Variants in IFT88 observed in about 807,000 individuals in gnomAD.
The protein encoded by IFT88 is intraflagellar transport protein 88 homolog.
Under a neutral mutation model 119.5 loss-of-function variants are expected in IFT88, and 74 were observed. That is an observed-to-expected ratio of 0.62 (90% CI 0.51 to 0.75). The LOEUF (loss-of-function observed/expected upper bound fraction) is 0.75, where lower values mean the gene tolerates loss of function less well. Among genes scored for constraint, IFT88 ranks in the 30% least tolerant of loss-of-function variants. The pLI is 0.00. For synonymous variants in IFT88, 279 were observed against 316.7 expected (o/e 0.88, Z 1.26); for missense variants, 961 against 977.7 (o/e 0.98, Z 0.23).
At chr13:20,599,357 A>G in intron 10 of IFT88, 94 bp from the exon 11 acceptor site, 2 of 557,280 alleles carry the variant, frequency 3.6e-6, no homozygotes, top group South Asian at 5.6e-5. Context: ...CATAACTGAG[A>G]AATGCTTCAG....
chr13:20,682,238 C>T (rs539728736), intron 24 of IFT88, among the ~76,000 whole-genome samples: 1 of 152,316 alleles, frequency 6.6e-6, no homozygotes, highest in South Asian at 2.1e-4. Context: ...AGCCATTCTA[C>T]CAAGTCCTGC....
intron 14 of IFT88, among the ~76,000 whole-genome samples, chr13:20,622,778 A>G (rs1294853576): frequency 6.6e-6 from 1 of 152,116 alleles, no homozygotes; most frequent in Admixed American, 6.5e-5. Flanking sequence ...TCTGTGGATT[A>G]CCTTTTTACT....
chr13:20,580,161 G>A (rs892709808), intron 2 of IFT88, among the ~76,000 whole-genome samples: 6 of 152,100 alleles, frequency 3.9e-5, no homozygotes, highest in African/African-American at 1.4e-4. Context: ...AGTGTCTCAT[G>A]ATACTAAATA....
chr13:20,615,739 C>A, intron 13 of IFT88, 54 bp from the exon 14 acceptor site: 1 of 1,022,982 alleles, frequency 9.8e-7, no homozygotes, highest in Non-Finnish European at 1.4e-6. Flanking sequence ...TTAGGAAATC[C>A]AAACTATTTT....
At chr13:20,637,929 T>A (rs2049273418) in intron 16 of IFT88, among the ~76,000 whole-genome samples, 1 of 152,078 alleles carries the variant, frequency 6.6e-6, no homozygotes, top group Non-Finnish European at 1.5e-5. Flanking sequence ...AAACAATGGA[T>A]TGCTAGAAGT....
intron 13 of IFT88, among the ~76,000 whole-genome samples, chr13:20,614,107 T>C (rs1466294482): frequency 6.6e-6 from 1 of 152,202 alleles, no homozygotes; most frequent in African/African-American, 2.4e-5. Flanking sequence ...GGTATATGAG[T>C]TATCTCCCTA....
At position 20,575,369 on chromosome 13, in the gene IFT88, G is replaced by A. The variant is rs532554231; in HGVS notation, c.90+894G>A. Among the ~76,000 whole-genome samples, 372 of 152,198 alleles carry A rather than the reference G, an allele frequency of 2.4e-3. 2 individuals carry two copies. Among genetic ancestry groups the A allele is most frequent in the Admixed American group, 4.6e-3 (70 of 15,282 alleles). ...CCATTTGTCTGTTGACAGACACTTA[G>A]GTTGCTTCCAAATCTTGGCTATTGT... On this transcript the variant is annotated intron_variant, in intron 2 of 25. Transcript: ENST00000351808.
chr13:20,619,999 G>A (rs2046232248), intron 14 of IFT88, among the ~76,000 whole-genome samples: 1 of 152,208 alleles, frequency 6.6e-6, no homozygotes, highest in East Asian at 1.9e-4. Context: ...TATTTTTTGA[G>A]AAGTGCCCGT....
intron 19 of IFT88, among the ~76,000 whole-genome samples, chr13:20,643,972 C>T (rs973295840): frequency 2.6e-5 from 4 of 152,108 alleles, no homozygotes; most frequent in African/African-American, 7.2e-5. Context: ...AGGCCAGTCT[C>T]GAACTCCTGA....
chr13:20,621,498 T>G (rs2046461661), intron 14 of IFT88, among the ~76,000 whole-genome samples: 1 of 142,982 alleles, frequency 7.0e-6, no homozygotes, highest in Non-Finnish European at 1.5e-5. Flanking sequence ...TAAAACCAAC[T>G]TGTCAATTTT....
intron 23 of IFT88, among the ~76,000 whole-genome samples, chr13:20,664,882 A>G (rs1337381757): frequency 2.0e-5 from 3 of 152,146 alleles, no homozygotes; most frequent in Admixed American, 6.5e-5. Context: ...GATCGAGACC[A>G]TCCTGGCTAA....
chr13:20,678,140 T>G (rs1193388266), intron 24 of IFT88, among the ~76,000 whole-genome samples: 1 of 152,156 alleles, frequency 6.6e-6, no homozygotes, highest in Non-Finnish European at 1.5e-5. Flanking sequence ...TTCTAATGAT[T>G]TAAGAAGTGA....
chr13:20,583,042 A>C, intron 3 of IFT88, 23 bp downstream of exon 3: 1 of 1,462,024 alleles, frequency 6.8e-7, no homozygotes, highest in Non-Finnish European at 9.5e-7. Context: ...AATTTTTTTT[A>C]AATTGTGGTA....
At position 20,677,222 on chromosome 13, in the gene IFT88, G is replaced by A. The variant is rs149917763; in HGVS notation, c.2242+6183G>A. The stretch of plus-strand genomic sequence containing the variant: ...TATTGCCTATACAGTAGCTATCGGC[G>A]TTCATTTTTACAATTTTAATATATT... On this transcript the variant is annotated intron_variant, in intron 24 of 25. Coordinates refer to ENST00000351808, the MANE Select transcript of IFT88 (RefSeq NM_006531.5). Among the ~76,000 whole-genome samples, 890 of 152,208 alleles carry A rather than the reference G, an allele frequency of 5.8e-3. 11 individuals carry two copies. The highest frequency in any genetic ancestry group is 0.02 in the African/African-American group (845 of 41,512).
chr13:20,620,578 G>T (rs1362793260), intron 14 of IFT88, among the ~76,000 whole-genome samples: 1 of 152,078 alleles, frequency 6.6e-6, no homozygotes, highest in Non-Finnish European at 1.5e-5. Flanking sequence ...TTTTATTTTT[G>T]TTTTTTGAGA....
chr13:20,683,403 G>A (rs2057535507), intron 24 of IFT88, among the ~76,000 whole-genome samples: 1 of 152,064 alleles, frequency 6.6e-6, no homozygotes, highest in South Asian at 2.1e-4. Context: ...GACTTTGAGG[G>A]CTATATAGTT....
At chr13:20,613,279 T>C (rs2044929251) in intron 13 of IFT88, among the ~76,000 whole-genome samples, 1 of 152,120 alleles carries the variant, frequency 6.6e-6, no homozygotes, top group South Asian at 2.1e-4. Context: ...GTGCAAAAGA[T>C]ATGAATAGAT....
At chr13:20,640,925 C>G (rs1262950824) in intron 17 of IFT88, among the ~76,000 whole-genome samples, 2 of 152,224 alleles carry the variant, frequency 1.3e-5, no homozygotes, top group South Asian at 4.1e-4. Flanking sequence ...GCAGGTGGAT[C>G]GCTTGAGGCC....
chr13:20,567,951 G>T, intron 1 of IFT88: 1 of 704,046 alleles, frequency 1.4e-6, no homozygotes, highest in Non-Finnish European at 2.6e-6. Context: ...GGGCCACATC[G>T]GAAGAAGAAT....
Sources: allele counts gnomAD v4.1 joint callset (sites outside exome capture counted in the v4.1 genomes callset), GRCh38; gene constraint gnomAD v4.1.1; transcripts MANE v1.5; gene names NCBI Gene and HGNC (gene_info 2026-07-23, HGNC 2026-07-21).